Variants in RGS8 observed in about 807,000 individuals in gnomAD.
RGS8 encodes the protein regulator of G protein signaling 8, also known as regulator of G-protein signaling 8.
A neutral mutation model predicts 21.7 loss-of-function variants in RGS8; 8 were observed. That is an observed-to-expected ratio of 0.37 (90% CI 0.22 to 0.66). The LOEUF (loss-of-function observed/expected upper bound fraction) is 0.66, where lower values mean the gene tolerates loss of function less well. RGS8 is among the 30% of genes least tolerant of loss of function. RGS8 has a pLI of 0.59. For synonymous variants in RGS8, 80 were observed against 83.6 expected, an observed-to-expected ratio of 0.96 and a Z score of 0.24; for missense variants, 157 against 217.9, an observed-to-expected ratio of 0.72 and a Z score of 1.76.
chr1:182,665,949 A>G lies in RGS8; in HGVS notation c.193+20T>C. 3.1e-6 allele frequency: 5 copies of G among 1,603,296 alleles called. No individual in the cohort carries two copies. Among genetic ancestry groups the G allele is most frequent in the Non-Finnish European group, 4.3e-6 (5 of 1,170,178 alleles). Reference sequence around the variant, plus strand: ...AATAGATGATTTGCCATGTCATGATACGACCTGAATTCTACTTACACTTAT... The same window carrying G: ...AATAGATGATTTGCCATGTCATGATGCGACCTGAATTCTACTTACACTTAT... On this transcript the variant is annotated intron_variant, in intron 5 of 6. Coordinates refer to ENST00000483095, the Ensembl canonical transcript of RGS8.
At chr1:182,715,019 G>A in the RGS8 span, among the ~76,000 whole-genome samples, 9 of 152,146 alleles carry the variant, frequency 5.9e-5, no homozygotes, top group Admixed American at 2.0e-4. Context: ...TTTTCAATGC[G>A]CCATAATCTT....
chr1:182,671,957 G>C (rs1160857737), upstream of RGS8: 1 of 1,377,594 alleles, frequency 7.3e-7, no homozygotes. Context: ...CGGCGGCTCA[G>C]CTCCCGGGCA....
downstream of RGS8, chr1:182,641,853 T>G (rs923503426): frequency 6.6e-6 from 1 of 152,238 alleles, no homozygotes; most frequent in African/African-American, 2.4e-5. Flanking sequence ...CTCACAGCCT[T>G]GTTTATAGTA....
the RGS8 span, among the ~76,000 whole-genome samples, chr1:182,699,296 CTGG>C: frequency 6.6e-6 from 1 of 152,270 alleles, no homozygotes; most frequent in African/African-American, 2.4e-5. Flanking sequence ...TGTTTCTCGC[CTGG>C]CTCGGTACTT....
the RGS8 span, among the ~76,000 whole-genome samples, chr1:182,704,481 C>T: frequency 2.6e-5 from 4 of 152,194 alleles, no homozygotes; most frequent in Non-Finnish European, 5.9e-5. Context: ...AATTTCAGTC[C>T]TCCACAGAAG....
the RGS8 span, among the ~76,000 whole-genome samples, chr1:182,721,550 G>T: frequency 2.0e-5 from 3 of 152,196 alleles, no homozygotes; most frequent in Non-Finnish European, 4.4e-5. Context: ...AGAGAGTGCT[G>T]CTTTCCCAGG....
intron 4 of RGS8, 106 bp from the exon 6 acceptor site, chr1:182,666,139 G>C (rs1663847616): frequency 1.1e-6 from 1 of 893,872 alleles, no homozygotes; most frequent in East Asian, 2.4e-5. Context: ...ATGTGGGGAA[G>C]GGTGCAGGGA....
At chr1:182,682,580 G>T (rs1664572143) in intron 1 of RGS8, among the ~76,000 whole-genome samples, 1 of 152,096 alleles carries the variant, frequency 6.6e-6, no homozygotes, top group South Asian at 2.1e-4. Context: ...ATTCCTTTCA[G>T]CTGATCCTCA....
At chr1:182,701,500 T>C in the RGS8 span, among the ~76,000 whole-genome samples, 1 of 152,242 alleles carries the variant, frequency 6.6e-6, no homozygotes, top group African/African-American at 2.4e-5. Flanking sequence ...TGTAACTTTT[T>C]GTCCCTTAAA....
chr1:182,706,586 C>A, the RGS8 span, among the ~76,000 whole-genome samples: 1 of 152,102 alleles, frequency 6.6e-6, no homozygotes, highest in Non-Finnish European at 1.5e-5. Flanking sequence ...CGTGCCTTAG[C>A]CTCCCAAGTA....
intron 5 of RGS8, among the ~76,000 whole-genome samples, chr1:182,653,198 C>T (rs899987781): frequency 8.5e-5 from 13 of 152,180 alleles, no homozygotes; most frequent in Admixed American, 1.3e-4. Context: ...ATTCAGCAAG[C>T]GTTGGCAGGA....
chr1:182,672,883 G>A, upstream of RGS8: 2 of 1,610,726 alleles, frequency 1.2e-6, no homozygotes, highest in Non-Finnish European at 1.7e-6. Context: ...GCTTGCCCTA[G>A]TGTAGTGGTT....
the RGS8 span, among the ~76,000 whole-genome samples, chr1:182,708,042 G>A: frequency 7.2e-5 from 11 of 152,132 alleles, no homozygotes; most frequent in African/African-American, 2.2e-4. Context: ...AAAACTCCAC[G>A]AGATAAGTCT....
chr1:182,729,060 G>T, the RGS8 span, among the ~76,000 whole-genome samples: 1 of 152,188 alleles, frequency 6.6e-6, no homozygotes, highest in African/African-American at 2.4e-5. Flanking sequence ...GGGTAAGGCA[G>T]GACAACCTGC....
At chr1:182,717,672 T>C in the RGS8 span, among the ~76,000 whole-genome samples, 1 of 152,166 alleles carries the variant, frequency 6.6e-6, no homozygotes, top group African/African-American at 2.4e-5. Flanking sequence ...CCCTATTGTG[T>C]TTTCTTCAGG....
At chr1:182,748,468 T>C in the RGS8 span, among the ~76,000 whole-genome samples, 1 of 152,240 alleles carries the variant, frequency 6.6e-6, no homozygotes. Flanking sequence ...TAATATCCCA[T>C]TGTGTATATA....
the RGS8 span, among the ~76,000 whole-genome samples, chr1:182,718,039 C>A: frequency 6.6e-6 from 1 of 152,128 alleles, no homozygotes; most frequent in African/African-American, 2.4e-5. Flanking sequence ...GTAGCTGGAA[C>A]CTTACCTTGA....
chr1:182,646,758 G>C, exon 7 of RGS8: 2 of 1,613,808 alleles, frequency 1.2e-6, no homozygotes, highest in Non-Finnish European at 1.7e-6. Context: ...CTCTGGCTTT[G>C]GGACAGCAGA....
chr1:182,736,612 T>C, the RGS8 span, among the ~76,000 whole-genome samples: 2 of 152,208 alleles, frequency 1.3e-5, no homozygotes, highest in African/African-American at 4.8e-5. Flanking sequence ...GAAACCTATG[T>C]CATGGATGTT....
Sources: allele counts gnomAD v4.1 joint callset (sites outside exome capture counted in the v4.1 genomes callset), GRCh38; gene constraint gnomAD v4.1.1; transcripts MANE v1.5; gene names NCBI Gene and HGNC (gene_info 2026-07-23, HGNC 2026-07-21).